MTUS2: variants seen among roughly 807,000 people sequenced by gnomAD.
The protein encoded by MTUS2 is microtubule associated scaffold protein 2.
A neutral mutation model predicts 114.1 loss-of-function variants in MTUS2; 40 were observed. The observed-to-expected ratio is 0.35, with a 90% CI of 0.27 to 0.46. The LOEUF (loss-of-function observed/expected upper bound fraction) is 0.46. MTUS2 is among the 20% of genes least tolerant of loss of function. The pLI, the probability that MTUS2 is intolerant of heterozygous loss-of-function variation, is 1.00. For synonymous variants in MTUS2, 688 were observed against 672.0 expected (o/e 1.02, Z -0.37); for missense variants, 1,679 against 1,705.4 (o/e 0.98, Z 0.27).
intron 2 of MTUS2, among the ~76,000 whole-genome samples, chr13:28,996,564 C>G (rs1177921346): frequency 6.6e-6 from 1 of 152,088 alleles, no homozygotes; most frequent in Admixed American, 6.6e-5. Context: ...TAATTATTGC[C>G]TGAATTTCAG....
At chr13:29,184,889 A>AAAT (rs1894158294) in intron 5 of MTUS2, among the ~76,000 whole-genome samples, 1 of 152,116 alleles carries the variant, frequency 6.6e-6, no homozygotes, top group Non-Finnish European at 1.5e-5. Flanking sequence ...GTGGCCAAAA[A>AAAT]AATCATGGTG....
At chr13:29,085,717 C>T (rs193153535) in intron 4 of MTUS2, among the ~76,000 whole-genome samples, 5 of 152,240 alleles carry the variant, frequency 3.3e-5, no homozygotes, top group Non-Finnish European at 4.4e-5. Flanking sequence ...GATTTCATGT[C>T]TTTACTATTG....
intron 7 of MTUS2, among the ~76,000 whole-genome samples, chr13:29,346,865 A>G (rs1290594552): frequency 6.7e-6 from 1 of 148,320 alleles, no homozygotes. Flanking sequence ...CTACCCCTAT[A>G]TTTTGCTCAG....
At chr13:29,313,651 A>G (rs1361156894) in intron 6 of MTUS2, among the ~76,000 whole-genome samples, 1 of 152,200 alleles carries the variant, frequency 6.6e-6, no homozygotes, top group Non-Finnish European at 1.5e-5. Context: ...TTATGAAGCA[A>G]CATATCAAGA....
chr13:29,169,795 G>A (rs1408401589), intron 5 of MTUS2, among the ~76,000 whole-genome samples: 1 of 152,156 alleles, frequency 6.6e-6, no homozygotes, highest in African/African-American at 2.4e-5. Context: ...TACTGCATAA[G>A]GGCCGTGCAG....
At chr13:29,000,451 C>T (rs1190212055) in intron 2 of MTUS2, among the ~76,000 whole-genome samples, 4 of 152,050 alleles carry the variant, frequency 2.6e-5, no homozygotes, top group African/African-American at 9.7e-5. Context: ...CAACCTCCAC[C>T]CCCTGGGTTT....
intron 2 of MTUS2, among the ~76,000 whole-genome samples, chr13:28,985,652 T>G (rs1376005344): frequency 1.3e-5 from 2 of 152,140 alleles, no homozygotes; most frequent in Non-Finnish European, 2.9e-5. Flanking sequence ...CTGTGATGGT[T>G]AATTTTATGT....
chr13:29,429,064 C>T (rs1243008645), intron 8 of MTUS2, among the ~76,000 whole-genome samples: 1 of 152,202 alleles, frequency 6.6e-6, no homozygotes, highest in African/African-American at 2.4e-5. Flanking sequence ...GAGTGGTGTT[C>T]ACAGAAACAT....
chr13:28,939,210 G>C (rs1001596038), intron 2 of MTUS2, among the ~76,000 whole-genome samples: 1 of 152,140 alleles, frequency 6.6e-6, no homozygotes, highest in Admixed American at 6.6e-5. Flanking sequence ...CTGCCCAACT[G>C]CTGCTCTTCC....
chr13:29,481,787 C>T (rs1435629529), intron 10 of MTUS2, among the ~76,000 whole-genome samples: 1 of 152,150 alleles, frequency 6.6e-6, no homozygotes, highest in Non-Finnish European at 1.5e-5. Context: ...AGTCATTCTT[C>T]TTTCCTAGAG....
At chr13:28,907,521 A>G (rs1880111562) in intron 2 of MTUS2, among the ~76,000 whole-genome samples, 1 of 151,502 alleles carries the variant, frequency 6.6e-6, no homozygotes. Context: ...TCACGTGCAG[A>G]GACACACATA....
intron 9 of MTUS2, among the ~76,000 whole-genome samples, chr13:29,458,476 C>G (rs1451061573): frequency 2.6e-5 from 4 of 152,134 alleles, no homozygotes; most frequent in Non-Finnish European, 5.9e-5. Flanking sequence ...AACATGCATG[C>G]CAGCAAAAGA....
At chr13:28,940,828 G>A (rs1882193393) in intron 2 of MTUS2, among the ~76,000 whole-genome samples, 1 of 152,074 alleles carries the variant, frequency 6.6e-6, no homozygotes, top group Admixed American at 6.6e-5. Context: ...AAAGATCTGT[G>A]GTAAGTGTAT....
chr13:29,275,995 T>C (rs1236801728), intron 5 of MTUS2, among the ~76,000 whole-genome samples: 1 of 152,244 alleles, frequency 6.6e-6, no homozygotes, highest in Non-Finnish European at 1.5e-5. Context: ...TGTTTTCTTC[T>C]AAGAGTTATA....
rs145533430 is a variant in MTUS2, at chr13:29,303,821, C to T, written c.2807-20792C>T. ...AGATACTCCATGAGAAGATCAACCC[C>T]AAGACACAGAATCATCAGATTCTCC... On this transcript the variant is annotated intron_variant, in intron 6 of 15. Coordinates refer to ENST00000612955, the MANE Select transcript of MTUS2 (RefSeq NM_001033602.4). 8.2e-3 allele frequency among the ~76,000 whole-genome samples: 1,244 copies of T among 152,080 alleles called. 9 individuals carry two copies. The highest frequency in any genetic ancestry group is 0.014 in the Non-Finnish European group (928 of 67,988).
intron 7 of MTUS2, among the ~76,000 whole-genome samples, chr13:29,354,358 T>C (rs1322625999): frequency 6.6e-6 from 1 of 151,552 alleles, no homozygotes; most frequent in Admixed American, 6.6e-5. Flanking sequence ...GTCATAACAC[T>C]ATTAAGCCAC....
intron 2 of MTUS2, among the ~76,000 whole-genome samples, chr13:28,931,914 T>TGAGA (rs903008821): frequency 6.6e-6 from 1 of 152,016 alleles, no homozygotes; most frequent in African/African-American, 2.4e-5. Context: ...CACCTATGAG[T>TGAGA]GAGAACATGC....
At chr13:29,473,639 GTAT>G (rs1880479100) in intron 9 of MTUS2, among the ~76,000 whole-genome samples, 1 of 152,228 alleles carries the variant, frequency 6.6e-6, no homozygotes, top group Admixed American at 6.5e-5. Context: ...AGATGTGTGT[GTAT>G]TATTCATTGT....
intron 8 of MTUS2, among the ~76,000 whole-genome samples, chr13:29,365,177 C>A (rs890527395): frequency 1.1e-4 from 17 of 152,256 alleles, no homozygotes; most frequent in African/African-American, 3.9e-4. Context: ...GCACAACCCC[C>A]AAACATCAAA....
Sources: gnomAD v4.1 joint callset for allele counts (sites outside exome capture counted in the v4.1 genomes callset) on GRCh38, gnomAD v4.1.1 for gene constraint, MANE v1.5 for transcripts, NCBI Gene and HGNC (gene_info 2026-07-23, HGNC 2026-07-21) for gene names.